Variants in FAM216B observed in about 807,000 individuals in gnomAD.
The protein encoded by FAM216B is protein FAM216B.
In FAM216B, 11 loss-of-function variants were observed where a neutral mutation model predicts 12.9. The observed-to-expected ratio is 0.86, with a 90% CI of 0.54 to 1.42. The LOEUF is 1.42. FAM216B is among the 40% of genes most tolerant of loss of function. The probability of loss-of-function intolerance (pLI) is 0.00; values close to 1 mark genes in which losing one functional copy is unlikely to be tolerated. For synonymous variants in FAM216B, 52 were observed against 57.2 expected, an observed-to-expected ratio of 0.91 and a Z score of 0.41; for missense variants, 167 against 162.9, an observed-to-expected ratio of 1.02 and a Z score of -0.14.
At chr13:42,784,836 A>T (rs201992962) in intron 2 of FAM216B, among the ~76,000 whole-genome samples, 2 of 147,114 alleles carry the variant, frequency 1.4e-5, no homozygotes, top group Non-Finnish European at 3.0e-5. Flanking sequence ...TCCGTCTCAA[A>T]AAATAAATAA....
chr13:42,784,173 C>CATT lies in FAM216B; in HGVS notation c.99+7_99+8insATT. The CATT allele has an allele frequency of 1.3e-6, 1 of 750,744 alleles. No individual in the cohort carries two copies. The allele number at this position is 750,744 out of a possible 1,614,324, so 46.5% of individuals were successfully genotyped here. ...TGACACTTCCTTACTAAAGGTATGG[C>CATT]TTTTTTTTTTTTTTTTTTTTCACAG... On this transcript the variant is annotated splice_region_variant and intron_variant, in intron 2 of 3. Transcript: ENST00000313851.
chr13:42,783,646 C>T (rs1873945291), intron 1 of FAM216B, among the ~76,000 whole-genome samples: 1 of 151,896 alleles, frequency 6.6e-6, no homozygotes, highest in Non-Finnish European at 1.5e-5. Flanking sequence ...TTTTCTTCTT[C>T]AATTTTTAAA....
rs1265494070 is a variant in FAM216B at position 42,786,899 on chromosome 13, T to A, written c.220+16T>A. On this transcript the variant is annotated intron_variant, in intron 3 of 3. Coordinates refer to ENST00000313851, the MANE Select transcript of FAM216B (RefSeq NM_001318932.2). ...CAGCTGCTTGGTAAGTTTAACTACG[T>A]GATCCAAACTAAGCACCTAAGGAAT... 4 of 1,613,074 alleles carry A rather than the reference T, an allele frequency of 2.5e-6. No homozygotes were observed. Among genetic ancestry groups the A allele is most frequent in the Non-Finnish European group, 3.4e-6 (4 of 1,179,518 alleles).
At chr13:42,782,752 A>C (rs911086783) in intron 1 of FAM216B, among the ~76,000 whole-genome samples, 1 of 152,214 alleles carries the variant, frequency 6.6e-6, no homozygotes, top group African/African-American at 2.4e-5. Context: ...ACTTAATCAT[A>C]GCAAATGTGA....
rs1874182866 is a variant in FAM216B at position 42,788,617 on chromosome 13, T to G, written c.247T>G (p.Ser83Ala). 6.2e-7 allele frequency: 1 copy of G among 1,613,720 alleles called. No individual in the cohort carries two copies. The highest frequency in any genetic ancestry group is 1.3e-5 in the African/African-American group (1 of 74,934). The change falls in exon 4 of 4, where the codon TCT becomes GCT. Residue 83 changes from serine (S) to alanine (A), a missense_variant. Ser to Ala is a moderately conservative substitution (Grantham distance 99). Transcript: ENST00000313851. ...CTATATTACTCAACGGGAAGCCTTG[T>G]CTTATGCTCTTGTACTTAGAGATTC... ...LGYITQREALSYALVLRDSTK... is the reference protein window; with the variant it reads ...LGYITQREALAYALVLRDSTK...
chr13:42,784,313 G>A (rs948509894), intron 2 of FAM216B, 147 bp downstream of exon 2: 15 of 581,526 alleles, frequency 2.6e-5, no homozygotes, highest in Non-Finnish European at 4.1e-5. Flanking sequence ...GCATGTTGAA[G>A]GCCATTCATG....
At chr13:42,783,799 G>T (rs1286895765) in intron 1 of FAM216B, among the ~76,000 whole-genome samples, 2 of 151,660 alleles carry the variant, frequency 1.3e-5, no homozygotes, top group African/African-American at 2.4e-5. Context: ...GAAAGACAAG[G>T]GCTCTGAATT....
At position 42,789,636 on chromosome 13, in the gene FAM216B, T is replaced by TGTGTGTGTGTGTG. The variant is rs1874237996; in HGVS notation, c.*846_*847insGTGTGTGTGTGTG. On this transcript the variant is annotated 3_prime_UTR_variant, in exon 4 of 4. Coordinates refer to ENST00000313851, the MANE Select transcript of FAM216B (RefSeq NM_001318932.2). ...ATGGTTATTTTCATCACCAGAGATT[T>TGTGTGTGTGTGTG]TGTGTGTGTGTGTGTGTGTGTGTGT... is the stretch of plus-strand genomic sequence containing the variant. The TGTGTGTGTGTGTG allele has an allele frequency of 6.7e-6, 1 of 150,260 alleles. No individual in the cohort carries two copies. Among genetic ancestry groups the TGTGTGTGTGTGTG allele is most frequent in the African/African-American group, 2.4e-5 (1 of 40,834 alleles). 9.3% of individuals were successfully genotyped at this position (150,260 alleles called of 1,614,324 possible).
rs1224900317 is a variant in FAM216B, at chr13:42,789,213, A to C, written c.*423A>C. 6.5e-6 allele frequency: 1 copy of C among 153,228 alleles called. No individual in the cohort carries two copies. Among genetic ancestry groups the C allele is most frequent in the Non-Finnish European group, 1.5e-5 (1 of 68,794 alleles). The allele number at this position is 153,228 out of a possible 1,614,324, so 9.5% of individuals were successfully genotyped here. A position where few individuals can be genotyped will look rare whatever the true frequency, so the allele number is the denominator to read the frequency against. ...GATTAACACTGATCATAGAGGGCTT[A>C]CAAAATCATATCATCCCAGCAACAA... On this transcript the variant is annotated 3_prime_UTR_variant, in exon 4 of 4. Transcript: ENST00000313851.
chr13:42,785,514 T>C (rs1874050978), intron 2 of FAM216B, among the ~76,000 whole-genome samples: 1 of 152,246 alleles, frequency 6.6e-6, no homozygotes, highest in Non-Finnish European at 1.5e-5. Flanking sequence ...GATGCCACTA[T>C]TGTTTCCCTA....
intron 2 of FAM216B, among the ~76,000 whole-genome samples, chr13:42,785,296 C>A (rs1201414497): frequency 1.3e-5 from 2 of 152,140 alleles, no homozygotes; most frequent in Admixed American, 6.5e-5. Flanking sequence ...GCCAAAAAAA[C>A]CAAAAACAAA....
intron 1 of FAM216B, among the ~76,000 whole-genome samples, chr13:42,783,693 TAG>T (rs1873947565): frequency 6.6e-6 from 1 of 152,106 alleles, no homozygotes; most frequent in Non-Finnish European, 1.5e-5. Flanking sequence ...ATATTACTTT[TAG>T]AATCAGATAT....
At chr13:42,782,384 T>A (rs1247133929) in intron 1 of FAM216B, among the ~76,000 whole-genome samples, 1 of 152,226 alleles carries the variant, frequency 6.6e-6, no homozygotes, top group Admixed American at 6.5e-5. Flanking sequence ...TTGTAACTGC[T>A]GTCTTAAGGA....
chr13:42,787,336 T>C (rs569942695), intron 3 of FAM216B, among the ~76,000 whole-genome samples: 5 of 152,346 alleles, frequency 3.3e-5, no homozygotes, highest in African/African-American at 1.2e-4. Flanking sequence ...CTCCACTTTA[T>C]GGCTGTAGAA....
rs1201435127 is a variant in FAM216B, at chr13:42,789,333, C to T, written c.*543C>T. On this transcript the variant is annotated 3_prime_UTR_variant, in exon 4 of 4. Coordinates refer to ENST00000313851, the MANE Select transcript of FAM216B (RefSeq NM_001318932.2). ...TTCTAGTTCTCACCTGGCTTGATCA[C>T]TTTGTGTCATCTTGAAACATGCACT... is the stretch of plus-strand genomic sequence containing the variant. 6.6e-6 allele frequency: 1 copy of T among 152,362 alleles called. No individual in the cohort carries two copies. Among genetic ancestry groups the T allele is most frequent in the Non-Finnish European group, 1.5e-5 (1 of 68,168 alleles). 9.4% of individuals were successfully genotyped at this position (152,362 alleles called of 1,614,324 possible).
rs1211228394 is a variant in FAM216B at position 42,790,840 on chromosome 13, G to A, written c.*2050G>A. Reference sequence around the variant, plus strand: ...CCTGAAATTGCTAGCACCTAGAATGGCCCCCGGTTGCGGTAGGCAATCAAT... The same window carrying A: ...CCTGAAATTGCTAGCACCTAGAATGACCCCCGGTTGCGGTAGGCAATCAAT... On this transcript the variant is annotated 3_prime_UTR_variant, in exon 4 of 4. Transcript: ENST00000313851. The A allele has an allele frequency of 1.3e-5, 2 of 152,156 alleles. No homozygotes were observed. The highest frequency in any genetic ancestry group is 4.8e-5 in the African/African-American group (2 of 41,438). 9.4% of individuals were successfully genotyped at this position (152,156 alleles called of 1,614,324 possible). A position where few individuals can be genotyped will look rare whatever the true frequency, so the allele number is the denominator to read the frequency against.
rs369655872 is a variant in FAM216B at position 42,784,168 on chromosome 13, T to C, written c.99+2T>C. ...ATCTATGACACTTCCTTACTAAAGG[T>C]ATGGCTTTTTTTTTTTTTTTTTTTT... On this transcript the variant is annotated splice_donor_variant, in intron 2 of 3. Transcript: ENST00000313851. LOFTEE classifies it high-confidence loss of function. 5.6e-6 allele frequency: 8 copies of C among 1,436,842 alleles called. No individual in the cohort carries two copies. The African/African-American group carries it at 1.3e-4, about 23-fold the overall frequency. The allele number at this position is 1,436,842 out of a possible 1,614,324, so 89.0% of individuals were successfully genotyped here. A position where few individuals can be genotyped will look rare whatever the true frequency, so the allele number is the denominator to read the frequency against.
intron 1 of FAM216B, among the ~76,000 whole-genome samples, chr13:42,781,947 G>A (rs192019894): frequency 6.6e-6 from 1 of 152,134 alleles, no homozygotes; most frequent in Non-Finnish European, 1.5e-5. Context: ...AATGGGAGGA[G>A]GGATATTGAA....
rs769799575 is a variant in FAM216B, at chr13:42,784,041, T to C, written c.-14-13T>C. ...AAAAGAAATTTTATGCTATGCTTTG[T>C]TGTTTCTTGGAGGTATAGGATAAAC... On this transcript the variant is annotated splice_polypyrimidine_tract_variant and intron_variant, in intron 1 of 3. Transcript: ENST00000313851. 6 of 1,550,662 alleles carry C rather than the reference T, an allele frequency of 3.9e-6. No homozygotes were observed. Among genetic ancestry groups the C allele is most frequent in the East Asian group, 4.5e-5 (2 of 44,298 alleles).
Sources: allele counts gnomAD v4.1 joint callset (sites outside exome capture counted in the v4.1 genomes callset), GRCh38; gene constraint gnomAD v4.1.1; transcripts MANE v1.5; gene names NCBI Gene and HGNC (gene_info 2026-07-23, HGNC 2026-07-21).